The following RNF217 variants were observed in gnomAD, a reference collection of about 807,000 sequenced individuals.
RNF217 encodes ring finger protein 217.
Under a neutral mutation model 57.8 loss-of-function variants are expected in RNF217, and 31 were observed. That is an observed-to-expected ratio of 0.54 (90% CI 0.40 to 0.72). The LOEUF (loss-of-function observed/expected upper bound fraction) is 0.72, where lower values mean the gene tolerates loss of function less well. RNF217 is among the 30% of genes least tolerant of loss of function. The probability of loss-of-function intolerance (pLI) is 0.00; values close to 1 mark genes in which losing one functional copy is unlikely to be tolerated. For synonymous variants in RNF217, 313 were observed against 294.0 expected (o/e 1.06, Z -0.66); for missense variants, 696 against 708.3 (o/e 0.98, Z 0.20).
At chr6:125,056,071 A>T (rs1177385725) in intron 2 of RNF217, among the ~76,000 whole-genome samples, 1 of 152,166 alleles carries the variant, frequency 6.6e-6, no homozygotes, top group African/African-American at 2.4e-5. Flanking sequence ...TTATCTTGGT[A>T]ATCATGTGGA....
At chr6:124,974,521 G>C (rs893752538) in intron 1 of RNF217, among the ~76,000 whole-genome samples, 1 of 152,062 alleles carries the variant, frequency 6.6e-6, no homozygotes, top group African/African-American at 2.4e-5. Flanking sequence ...AATACGTCAA[G>C]GTGTCAGGGT....
chr6:124,993,303 G>A (rs1445962370), intron 1 of RNF217, among the ~76,000 whole-genome samples: 3 of 152,098 alleles, frequency 2.0e-5, no homozygotes, highest in Non-Finnish European at 4.4e-5. Context: ...CTGACTAAGC[G>A]AACAATATAA....
chr6:125,067,780 A>G (rs756758313), intron 3 of RNF217, among the ~76,000 whole-genome samples: 28 of 152,296 alleles, frequency 1.8e-4, no homozygotes, highest in Non-Finnish European at 3.4e-4. Context: ...AGAGATAAAG[A>G]TCTACCTTTG....
intron 2 of RNF217, among the ~76,000 whole-genome samples, chr6:125,057,554 A>C (rs1787569487): frequency 6.6e-6 from 1 of 152,188 alleles, no homozygotes; most frequent in African/African-American, 2.4e-5. Context: ...GCCATTCTTA[A>C]GAAGACAATG....
chr6:125,007,797 A>G (rs73770792), intron 1 of RNF217, among the ~76,000 whole-genome samples: 12,055 of 152,202 alleles, frequency 0.079, 1,648 homozygotes, highest in African/African-American at 0.28. Context: ...GGGGGCATAC[A>G]TTCCAAGACT....
At chr6:125,053,252 A>G (rs1416543349) in intron 2 of RNF217, among the ~76,000 whole-genome samples, 2 of 152,048 alleles carry the variant, frequency 1.3e-5, no homozygotes, top group Non-Finnish European at 2.9e-5. Flanking sequence ...TTTGGTTTAT[A>G]TCTGTCAGAC....
intron 1 of RNF217, among the ~76,000 whole-genome samples, chr6:124,971,064 T>C (rs1387551761): frequency 6.6e-6 from 1 of 152,192 alleles, no homozygotes; most frequent in Non-Finnish European, 1.5e-5. Context: ...GGTAGTAGAA[T>C]GTTATATGAG....
rs749219755 is a variant in RNF217, at chr6:125,088,307, A to C, written c.*5370A>C. The C allele has an allele frequency of 1.8e-4, 27 of 152,268 alleles. No homozygotes were observed. The highest frequency in any genetic ancestry group is 3.5e-4 in the Non-Finnish European group (24 of 68,006). The allele number at this position is 152,268 out of a possible 1,614,324, so 9.4% of individuals were successfully genotyped here. A position where few individuals can be genotyped will look rare whatever the true frequency, so the allele number is the denominator to read the frequency against. On this transcript the variant is annotated 3_prime_UTR_variant, in exon 6 of 6. Coordinates refer to ENST00000521654, the MANE Select transcript of RNF217 (RefSeq NM_001286398.3). The stretch of plus-strand genomic sequence containing the variant: ...TGTGAAATGTTACCTTTTGGATGCA[A>C]ACCAATGATACAAATCTTTAAGAAA...
At chr6:125,075,757 C>A (rs1788340065) in intron 3 of RNF217, among the ~76,000 whole-genome samples, 1 of 152,112 alleles carries the variant, frequency 6.6e-6, no homozygotes, top group Non-Finnish European at 1.5e-5. Flanking sequence ...ATTCATGCAA[C>A]AAAGTACGCA....
intron 1 of RNF217, among the ~76,000 whole-genome samples, chr6:124,988,566 C>T (rs1032974193): frequency 2.6e-5 from 4 of 152,152 alleles, no homozygotes; most frequent in South Asian, 4.1e-4. Context: ...TAACCACAAC[C>T]GTTAAAAACC....
chr6:125,082,293 GT>G (rs969722322), intron 5 of RNF217, among the ~76,000 whole-genome samples: 128 of 152,130 alleles, frequency 8.4e-4, no homozygotes, highest in African/African-American at 3.1e-3. Context: ...ATTAGATGGG[GT>G]TTTTTTGCTA....
At chr6:125,057,667 C>T (rs1157593553) in intron 2 of RNF217, among the ~76,000 whole-genome samples, 1 of 152,166 alleles carries the variant, frequency 6.6e-6, no homozygotes, top group Non-Finnish European at 1.5e-5. Context: ...TGGGAGACTG[C>T]ACTTAAATCT....
intron 1 of RNF217, 135 bp downstream of exon 1, chr6:124,963,561 G>A: frequency 2.7e-6 from 3 of 1,091,078 alleles, no homozygotes; most frequent in Non-Finnish European, 3.7e-6. Context: ...AGTTTCTCAC[G>A]TCTCAGTTGT....
At chr6:125,065,693 A>G (rs2114610544) in intron 3 of RNF217, among the ~76,000 whole-genome samples, 1 of 152,304 alleles carries the variant, frequency 6.6e-6, no homozygotes, top group Non-Finnish European at 1.5e-5. Context: ...TTTTTGCTAA[A>G]GGATCTAAAG....
At chr6:124,998,762 C>T (rs921542333) in intron 1 of RNF217, among the ~76,000 whole-genome samples, 8 of 152,200 alleles carry the variant, frequency 5.3e-5, no homozygotes, top group African/African-American at 1.7e-4. Context: ...CGCACCACTG[C>T]ACTCCAACCT....
intron 1 of RNF217, among the ~76,000 whole-genome samples, chr6:124,995,972 T>A (rs1275475126): frequency 6.6e-6 from 1 of 151,270 alleles, no homozygotes; most frequent in African/African-American, 2.4e-5. Flanking sequence ...ATTTCTGGGT[T>A]TTTTTTTTCT....
At position 125,022,162 on chromosome 6, in the gene RNF217, C is replaced by T. The variant is rs373861658; in HGVS notation, c.883-23049C>T. ...CTCCCAAAGTGCTGGGATTACAGGC[C>T]TGCACCACCATGCCTGGCCTGTTTT... On this transcript the variant is annotated intron_variant, in intron 1 of 5. Transcript: ENST00000521654. Among the ~76,000 whole-genome samples the T allele has an allele frequency of 1.1e-3, 167 of 152,166 alleles. 2 individuals carry two copies. The highest frequency in any genetic ancestry group is 3.9e-3 in the African/African-American group (160 of 41,530).
At chr6:125,048,635 A>G (rs572704571) in intron 2 of RNF217, among the ~76,000 whole-genome samples, 1 of 152,166 alleles carries the variant, frequency 6.6e-6, no homozygotes, top group South Asian at 2.1e-4. Context: ...AAAATATTAT[A>G]GCTATTTTAT....
chr6:124,987,750 A>G (rs575221899), intron 1 of RNF217, among the ~76,000 whole-genome samples: 52 of 152,284 alleles, frequency 3.4e-4, no homozygotes, highest in African/African-American at 1.2e-3. Flanking sequence ...AGCTGGGACT[A>G]TACCTTGCCT....
Sources: gnomAD v4.1 joint callset for allele counts (sites outside exome capture counted in the v4.1 genomes callset) on GRCh38, gnomAD v4.1.1 for gene constraint, MANE v1.5 for transcripts, NCBI Gene and HGNC (gene_info 2026-07-23, HGNC 2026-07-21) for gene names.